Variants in FUT9 observed in about 807,000 individuals in gnomAD.
FUT9 encodes the protein 4-galactosyl-N-acetylglucosaminide 3-alpha-L-fucosyltransferase 9.
FUT9 carries 15 observed loss-of-function variants against 29.7 expected under a neutral mutation model. The observed-to-expected ratio is 0.51, with a 90% CI of 0.34 to 0.78. The LOEUF is 0.78. Ranked by LOEUF, FUT9 falls within the 30% of genes least tolerant of loss-of-function variation. FUT9 has a pLI of 0.01. For synonymous variants in FUT9, 169 were observed against 153.7 expected (o/e 1.10, Z -0.74); for missense variants, 319 against 425.4 (o/e 0.75, Z 2.20).
chr6:96,074,018 C>T (rs1771105459), intron 1 of FUT9, among the ~76,000 whole-genome samples: 1 of 152,074 alleles, frequency 6.6e-6, no homozygotes. Context: ...AATTTAGGGC[C>T]TGCAATTAAA....
At chr6:96,057,972 A>C (rs143674218) in intron 1 of FUT9, among the ~76,000 whole-genome samples, 217 of 152,256 alleles carry the variant, frequency 1.4e-3, no homozygotes, top group African/African-American at 5.0e-3. Flanking sequence ...CTCTCCAAAC[A>C]TTTTTAAAAT....
intron 1 of FUT9, among the ~76,000 whole-genome samples, chr6:96,047,107 A>G (rs149389765): frequency 1.3e-5 from 2 of 152,326 alleles, no homozygotes; most frequent in African/African-American, 4.8e-5. Context: ...CCTGAAGCTC[A>G]TATGGTTTGG....
chr6:96,140,391 T>C (rs1185274358), intron 2 of FUT9, among the ~76,000 whole-genome samples: 1 of 147,624 alleles, frequency 6.8e-6, no homozygotes, highest in Admixed American at 6.7e-5. Context: ...TTCTGAGACC[T>C]CCAAACTATT....
intron 1 of FUT9, among the ~76,000 whole-genome samples, chr6:96,058,703 T>A (rs982153644): frequency 2.0e-5 from 3 of 152,216 alleles, no homozygotes; most frequent in African/African-American, 4.8e-5. Context: ...ATGGTAAGCA[T>A]TAGCAATGTT....
chr6:96,061,056 G>A (rs1028210688), intron 1 of FUT9, among the ~76,000 whole-genome samples: 3 of 151,746 alleles, frequency 2.0e-5, no homozygotes, highest in Non-Finnish European at 2.9e-5. Context: ...TATTTAATGA[G>A]CATTAAAATT....
At chr6:96,127,569 C>T (rs1772156867) in intron 2 of FUT9, among the ~76,000 whole-genome samples, 1 of 152,086 alleles carries the variant, frequency 6.6e-6, no homozygotes, top group South Asian at 2.1e-4. Context: ...AATGGGATTG[C>T]TGGGCTTAAT....
At chr6:96,043,304 G>C (rs201241944) in intron 1 of FUT9, among the ~76,000 whole-genome samples, 22 of 151,678 alleles carry the variant, frequency 1.5e-4, no homozygotes, top group Admixed American at 6.6e-5. Context: ...TCTCGCCTCG[G>C]GTCCCAAAGT....
At chr6:96,101,384 C>T (rs1771582761) in intron 1 of FUT9, among the ~76,000 whole-genome samples, 1 of 151,784 alleles carries the variant, frequency 6.6e-6, no homozygotes, top group Non-Finnish European at 1.5e-5. Context: ...ACTAAAAATA[C>T]AAAAACTTAG....
intron 2 of FUT9, among the ~76,000 whole-genome samples, chr6:96,130,944 T>C (rs1021298625): frequency 3.9e-5 from 6 of 152,158 alleles, no homozygotes; most frequent in Non-Finnish European, 7.4e-5. Context: ...CTGATCCTTT[T>C]TGAGGAATCA....
intron 2 of FUT9, among the ~76,000 whole-genome samples, chr6:96,167,818 C>T (rs1030424587): frequency 5.9e-5 from 9 of 152,076 alleles, no homozygotes; most frequent in Admixed American, 2.6e-4. Flanking sequence ...ATAGCTTGTA[C>T]GTGACCTAGG....
chr6:96,036,783 T>C (rs10457104), intron 1 of FUT9: 66,954 of 151,606 alleles, frequency 0.44, 14,860 homozygotes, highest in Non-Finnish European at 0.46. Flanking sequence ...CCAATCCATC[T>C]TAATAATCAT....
At chr6:96,049,411 A>G (rs1770625408) in intron 1 of FUT9, among the ~76,000 whole-genome samples, 1 of 152,238 alleles carries the variant, frequency 6.6e-6, no homozygotes, top group East Asian at 1.9e-4. Context: ...TTTATACACA[A>G]TTTACACATC....
At chr6:96,112,773 AT>A (rs538997569) in intron 1 of FUT9, among the ~76,000 whole-genome samples, 442 of 152,268 alleles carry the variant, frequency 2.9e-3, no homozygotes, top group African/African-American at 9.5e-3. Context: ...GCAAAAATGC[AT>A]TTTTTTGACG....
chr6:96,095,270 T>C (rs1225339189), intron 1 of FUT9, among the ~76,000 whole-genome samples: 1 of 152,162 alleles, frequency 6.6e-6, no homozygotes, highest in Non-Finnish European at 1.5e-5. Context: ...ATCTCATTTC[T>C]TAATACTTAC....
At chr6:96,131,854 T>C (rs1261646486) in intron 2 of FUT9, among the ~76,000 whole-genome samples, 2 of 152,056 alleles carry the variant, frequency 1.3e-5, no homozygotes, top group African/African-American at 4.8e-5. Flanking sequence ...TGGAGAGGAA[T>C]TAGGGAAGGG....
At chr6:96,018,190 T>C (rs1303487918) in intron 1 of FUT9, among the ~76,000 whole-genome samples, 1 of 151,700 alleles carries the variant, frequency 6.6e-6, no homozygotes, top group African/African-American at 2.4e-5. Context: ...CTGTTCTCAT[T>C]TGGGTAACAT....
intron 2 of FUT9, among the ~76,000 whole-genome samples, chr6:96,175,325 G>T (rs1393351063): frequency 6.6e-6 from 1 of 152,104 alleles, no homozygotes; most frequent in African/African-American, 2.4e-5. Context: ...ACTGAGTAAA[G>T]GTAAGGCTTT....
intron 1 of FUT9, among the ~76,000 whole-genome samples, chr6:96,074,735 A>T (rs748350680): frequency 1.3e-5 from 2 of 152,066 alleles, no homozygotes; most frequent in Non-Finnish European, 2.9e-5. Context: ...CACTGTATAA[A>T]ATATAGGCAA....
At chr6:96,193,495 A>G (rs1324181272) in intron 2 of FUT9, among the ~76,000 whole-genome samples, 1 of 151,120 alleles carries the variant, frequency 6.6e-6, no homozygotes, top group Admixed American at 6.6e-5. Context: ...AATCAAAACA[A>G]CAATGAGATA....
Sources: allele counts gnomAD v4.1 joint callset (sites outside exome capture counted in the v4.1 genomes callset), GRCh38; gene constraint gnomAD v4.1.1; transcripts MANE v1.5; gene names NCBI Gene and HGNC (gene_info 2026-07-23, HGNC 2026-07-21).